Variants in ASXL3 observed in about 807,000 individuals in gnomAD.
ASXL3 encodes ASXL transcriptional regulator 3.
A neutral mutation model predicts 170.6 loss-of-function variants in ASXL3; 34 were observed. The observed-to-expected ratio is 0.20, with a 90% CI of 0.15 to 0.27. The LOEUF (loss-of-function observed/expected upper bound fraction) is 0.27, where lower values mean the gene tolerates loss of function less well. ASXL3 is among the 10% of genes least tolerant of loss of function. The pLI is 1.00. For synonymous variants in ASXL3, 1,002 were observed against 989.1 expected, an observed-to-expected ratio of 1.01 and a Z score of -0.24; for missense variants, 2,592 against 2,695.3, an observed-to-expected ratio of 0.96 and a Z score of 0.85.
intron 4 of ASXL3, among the ~76,000 whole-genome samples, chr18:33,649,223 G>A (rs993892200): frequency 1.3e-5 from 2 of 152,136 alleles, no homozygotes; most frequent in Admixed American, 1.3e-4. Flanking sequence ...TTGGTTAGAT[G>A]AGGGAGAATG....
At chr18:33,596,912 C>T (rs1300328241) in intron 1 of ASXL3, among the ~76,000 whole-genome samples, 2 of 152,100 alleles carry the variant, frequency 1.3e-5, no homozygotes, top group Non-Finnish European at 2.9e-5. Flanking sequence ...ACCTCTCAGA[C>T]TCAAAAGATC....
intron 4 of ASXL3, among the ~76,000 whole-genome samples, chr18:33,647,833 A>G (rs1289334675): frequency 3.3e-5 from 5 of 152,070 alleles, no homozygotes; most frequent in African/African-American, 1.2e-4. Flanking sequence ...CAGTGGTGAC[A>G]AGTGATATGG....
chr18:33,633,377 G>A (rs1311247511), intron 2 of ASXL3, among the ~76,000 whole-genome samples: 3 of 152,086 alleles, frequency 2.0e-5, no homozygotes, highest in Non-Finnish European at 4.4e-5. Context: ...TTATGATACA[G>A]TACATATATT....
intron 2 of ASXL3, among the ~76,000 whole-genome samples, chr18:33,630,722 G>C (rs1165858296): frequency 6.6e-6 from 1 of 151,966 alleles, no homozygotes; most frequent in Non-Finnish European, 1.5e-5. Flanking sequence ...GAATTTTCTG[G>C]AGAGAAAGGG....
rs558511887 is a variant in ASXL3 at position 33,681,951 on chromosome 18, TCTTAA to T, written c.716-1448_716-1444del. Among the ~76,000 whole-genome samples the T allele has an allele frequency of 4.6e-5, 7 of 152,312 alleles. No individual in the cohort carries two copies. The East Asian group carries it at 5.8e-4, about 13-fold the overall frequency. ...ATGTCCACTGAAAAAATTTTAAATT[TCTTAA>T]CTTAATTTGTATTTCTAGAAGTATT... On this transcript the variant is annotated intron_variant, in intron 7 of 11. Coordinates refer to ENST00000269197, the MANE Select transcript of ASXL3 (RefSeq NM_030632.3).
At chr18:33,599,794 T>C (rs1326985045) in intron 1 of ASXL3, among the ~76,000 whole-genome samples, 1 of 152,078 alleles carries the variant, frequency 6.6e-6, no homozygotes, top group African/African-American at 2.4e-5. Flanking sequence ...AAACAAACAC[T>C]AGTGCATTAA....
chr18:33,743,945 A>T lies in ASXL3; in HGVS notation c.4097A>T (p.Asn1366Ile), dbSNP rs2067715986. ...GTCTTGATTCCCCCAATGGGAATTAACAACAGATTTCCTTCTGAGAAGATA... is the reference window on the plus strand; with the variant it reads ...GTCTTGATTCCCCCAATGGGAATTATCAACAGATTTCCTTCTGAGAAGATA... Reference protein sequence around the residue: ...SSVLIPPMGINNRFPSEKIAI... With the variant: ...SSVLIPPMGIINRFPSEKIAI... Residue 1366 changes from asparagine (N) to isoleucine (I), a missense_variant, in exon 12 of 12, where the codon AAC (asparagine) becomes ATC (isoleucine). Asn to Ile is a moderately radical substitution (Grantham distance 149). This residue lies in a region of ASXL3 where 2,246 missense variants were observed against 2,219.6 expected (regional missense o/e 1.01). Coordinates refer to ENST00000269197, the MANE Select transcript of ASXL3 (RefSeq NM_030632.3). 1.2e-6 allele frequency: 2 copies of T among 1,614,030 alleles called. No homozygotes were observed. The highest frequency in any genetic ancestry group is 1.7e-5 in the Admixed American group (1 of 60,032).
At chr18:33,671,175 C>G (rs1025771682) in intron 6 of ASXL3, among the ~76,000 whole-genome samples, 1 of 152,124 alleles carries the variant, frequency 6.6e-6, no homozygotes, top group East Asian at 1.9e-4. Context: ...GTTTTTCAGT[C>G]CTGTGCTGCA....
chr18:33,599,846 CACAG>C (rs1384108088), intron 1 of ASXL3, among the ~76,000 whole-genome samples: 1 of 151,906 alleles, frequency 6.6e-6, no homozygotes, highest in Non-Finnish European at 1.5e-5. Context: ...GAAAACACAC[CACAG>C]AGCTGTGGGT....
intron 10 of ASXL3, among the ~76,000 whole-genome samples, chr18:33,736,030 C>T (rs1051892183): frequency 1.3e-5 from 2 of 152,068 alleles, no homozygotes; most frequent in African/African-American, 4.8e-5. Context: ...CCAACAATTC[C>T]ATAAGATGGA....
chr18:33,667,680 C>T (rs2066279821), intron 5 of ASXL3, among the ~76,000 whole-genome samples: 2 of 152,280 alleles, frequency 1.3e-5, no homozygotes, highest in South Asian at 4.1e-4. Context: ...CCGTATCTGA[C>T]ATCCCACTCT....
rs1307769687 is a variant in ASXL3 at position 33,745,592 on chromosome 18, A to G, written c.5744A>G (p.Lys1915Arg). ...SFQQNLFHVD[K>R]NGGFHTDAGT... ...CAGCAGAACCTATTTCATGTTGACA[A>G]GAATGGCGGCTTCCACACTGACGCT... Residue 1915 changes from lysine to arginine, a missense_variant, in exon 12 of 12, where the codon AAG becomes AGG. Lys to Arg is a conservative substitution (Grantham distance 26). Transcript: ENST00000269197. 3 of 1,613,996 alleles carry G rather than the reference A, an allele frequency of 1.9e-6. No individual in the cohort carries two copies. Among genetic ancestry groups the G allele is most frequent in the Non-Finnish European group, 2.5e-6 (3 of 1,179,894 alleles).
chr18:33,745,543 CG>C lies in ASXL3; in HGVS notation c.5697del (p.Leu1900CysfsTer85). The C allele has an allele frequency of 6.2e-7, 1 of 1,613,974 alleles. No homozygotes were observed. The highest frequency in any genetic ancestry group is 2.2e-5 in the East Asian group (1 of 44,862). On this transcript the variant is annotated frameshift_variant, in exon 12 of 12. Transcript: ENST00000269197. LOFTEE classifies it high-confidence loss of function. ...VHSPEVKQQKRLLPSCSFQQN... is the reference protein window; with the variant it reads ...VHSPEVKQQKXLLPSCSFQQN... ...CAGCCCTGAGGTCAAACAGCAAAAGCGGCTGCTCCCCTCGTGTAGCTTCCAG... is the reference window on the plus strand; with the variant it reads ...CAGCCCTGAGGTCAAACAGCAAAAGCGCTGCTCCCCTCGTGTAGCTTCCAG...
chr18:33,617,377 G>A lies in ASXL3; in HGVS notation c.137+9701G>A, dbSNP rs181117482. Among the ~76,000 whole-genome samples, 18 of 152,200 alleles carry A rather than the reference G, an allele frequency of 1.2e-4. No individual in the cohort carries two copies. The East Asian group carries it at 3.5e-3, about 29-fold the overall frequency. On this transcript the variant is annotated intron_variant, in intron 2 of 11. Transcript: ENST00000269197. The stretch of plus-strand genomic sequence containing the variant: ...GTGGTGGCCTGCACCCGTAATCCCA[G>A]CTACTCTGGAGGCTGAGGCAGGAGA...
intron 5 of ASXL3, among the ~76,000 whole-genome samples, chr18:33,667,601 C>T (rs2066278773): frequency 6.6e-6 from 1 of 152,046 alleles, no homozygotes; most frequent in Admixed American, 6.5e-5. Context: ...ATTGGAGACT[C>T]CACAATTTTC....
intron 1 of ASXL3, among the ~76,000 whole-genome samples, chr18:33,599,561 A>G (rs2065162996): frequency 6.6e-6 from 1 of 152,204 alleles, no homozygotes; most frequent in Admixed American, 6.5e-5. Context: ...AAACCGAGCA[A>G]TTGGAAAACA....
rs202044708 is a variant in ASXL3 at position 33,744,011 on chromosome 18, G to A, written c.4163G>A (p.Gly1388Asp). The stretch of plus-strand genomic sequence containing the variant: ...GAAGAACAGGCCACTGTATCCATGG[G>A]TACCACTGTGAGAGCAGCCCTCAGC... ...GSEEQATVSM[G>D]TTVRAALSCS... Residue 1388 changes from glycine (G) to aspartate (D), a missense_variant, in exon 12 of 12, where the codon GGT becomes GAT. By Grantham distance (94) the Gly-to-Asp change is moderately conservative (BLOSUM62 -1). Transcript: ENST00000269197. 57 of 1,613,854 alleles carry A rather than the reference G, an allele frequency of 3.5e-5. No individual in the cohort carries two copies. In the Admixed American group the frequency reaches 3.8e-4, roughly 11 times the overall value.
chr18:33,656,304 C>G (rs2066083740), intron 4 of ASXL3, among the ~76,000 whole-genome samples: 1 of 152,004 alleles, frequency 6.6e-6, no homozygotes, highest in Non-Finnish European at 1.5e-5. Context: ...CAAATCTAGT[C>G]TGATTATTCA....
At chr18:33,627,180 A>G (rs1345457362) in intron 2 of ASXL3, 2 of 152,196 alleles carry the variant, frequency 1.3e-5, no homozygotes, top group South Asian at 4.1e-4. Flanking sequence ...TGAGAGGACA[A>G]ATGGACAACT....
Sources: gnomAD v4.1 joint callset for allele counts (sites outside exome capture counted in the v4.1 genomes callset) on GRCh38, gnomAD v4.1.1 for gene constraint, gnomAD v4.1.1 regional missense constraint, MANE v1.5 for transcripts, NCBI Gene and HGNC (gene_info 2026-07-23, HGNC 2026-07-21) for gene names.